The following IFT88 variants were observed in gnomAD, a reference collection of about 807,000 sequenced individuals.
The protein encoded by IFT88 is intraflagellar transport 88, also known as intraflagellar transport protein 88 homolog.
In IFT88, 74 loss-of-function variants were observed where a neutral mutation model predicts 119.5. That is an observed-to-expected ratio of 0.62 (90% CI 0.51 to 0.75). IFT88 has a LOEUF of 0.75. IFT88 is among the 30% of genes least tolerant of loss of function. The probability of loss-of-function intolerance (pLI) is 0.00; values close to 1 mark genes in which losing one functional copy is unlikely to be tolerated. For synonymous variants in IFT88, 279 were observed against 316.7 expected (o/e 0.88, Z 1.26); for missense variants, 961 against 977.7 (o/e 0.98, Z 0.23).
At chr13:20,643,329 A>G (rs1401012022) in intron 18 of IFT88, 126 bp from the exon 19 acceptor site, 1 of 687,208 alleles carries the variant, frequency 1.5e-6, no homozygotes, top group East Asian at 2.8e-5. Context: ...TGAGATATCC[A>G]GAGGAAACAG....
intron 2 of IFT88, among the ~76,000 whole-genome samples, chr13:20,577,026 CT>C (rs2037520759): frequency 6.6e-6 from 1 of 151,984 alleles, no homozygotes; most frequent in Non-Finnish European, 1.5e-5. Context: ...TTCTTATGTC[CT>C]CTTCAGTTTC....
intron 1 of IFT88, among the ~76,000 whole-genome samples, chr13:20,568,610 C>A (rs2035477548): frequency 6.6e-6 from 1 of 152,216 alleles, no homozygotes; most frequent in African/African-American, 2.4e-5. Flanking sequence ...GGTCCCCAGA[C>A]CAGTAGCCTC....
intron 3 of IFT88, among the ~76,000 whole-genome samples, chr13:20,587,046 C>CT (rs2138515324): frequency 6.6e-6 from 1 of 152,146 alleles, no homozygotes; most frequent in South Asian, 2.1e-4. Context: ...CTAGTTATCT[C>CT]TGTGTTACTG....
In IFT88 at chr13:20,674,496, C is replaced by G. The variant is rs148724524; in HGVS notation, c.2242+3457C>G. Among the ~76,000 whole-genome samples the G allele has an allele frequency of 9.9e-3, 1,491 of 151,288 alleles. 25 individuals are homozygous for G. The highest frequency in any genetic ancestry group is 0.034 in the African/African-American group (1,399 of 41,248). ...ATTTTTAAAGTGCTTTTTGGTTTAC[C>G]CTGTGTGATTTTTAATGGCTTTCTG... On this transcript the variant is annotated intron_variant, in intron 24 of 25. Transcript: ENST00000351808.
intron 13 of IFT88, chr13:20,612,110 T>G (rs1404014263): frequency 6.6e-6 from 1 of 150,800 alleles, no homozygotes; most frequent in Non-Finnish European, 1.5e-5. Context: ...GGTTGTAGAG[T>G]AAAAAAAAAT....
intron 13 of IFT88, chr13:20,612,293 T>C (rs984683519): frequency 1.3e-5 from 2 of 152,202 alleles, no homozygotes. Flanking sequence ...ATCTGCTGTA[T>C]GCATTGACCT....
At chr13:20,633,379 C>T (rs2048499094) in intron 16 of IFT88, among the ~76,000 whole-genome samples, 1 of 152,044 alleles carries the variant, frequency 6.6e-6, no homozygotes, top group Non-Finnish European at 1.5e-5. Context: ...TTGGATGTGG[C>T]CTGCCTCCCA....
At chr13:20,596,529 A>G (rs2041674971) in intron 8 of IFT88, among the ~76,000 whole-genome samples, 1 of 152,204 alleles carries the variant, frequency 6.6e-6, no homozygotes, top group Non-Finnish European at 1.5e-5. Flanking sequence ...ATTAGATAGC[A>G]ATATGCTGCT....
rs1394200211 is a variant in IFT88 at position 20,631,048 on chromosome 13, G to A, written c.1332G>A (p.Lys444=). The change falls in exon 16 of 26, where the codon AAG becomes AAA. Residue 444 remains lysine, a synonymous_variant. Transcript: ENST00000351808. ...AGATCTTAAAAGTGTTGGAAAAAAA[G>A]GACAGTAGAGTGAAAAGTGCAGCTG... ...AVEILKVLEK[K]DSRVKSAAAT... 1.2e-6 allele frequency: 2 copies of A among 1,605,742 alleles called. No individual in the cohort carries two copies. The highest frequency in any genetic ancestry group is 1.7e-6 in the Non-Finnish European group (2 of 1,172,420).
At position 20,577,983 on chromosome 13, in the gene IFT88, G is replaced by C. The variant is rs118082620; in HGVS notation, c.90+3508G>C. Reference sequence around the variant, plus strand: ...TTCAGCAGTGAAGCCATCAGGTGCCGAGCTTTTCTTTGCTGGGAGACTTTT... The same window carrying C: ...TTCAGCAGTGAAGCCATCAGGTGCCCAGCTTTTCTTTGCTGGGAGACTTTT... On this transcript the variant is annotated intron_variant, in intron 2 of 25. Coordinates refer to ENST00000351808, the MANE Select transcript of IFT88 (RefSeq NM_006531.5). 7.0e-3 allele frequency among the ~76,000 whole-genome samples: 1,058 copies of C among 150,696 alleles called. 5 individuals are homozygous for C. Among genetic ancestry groups the C allele is most frequent in the Non-Finnish European group, 0.012 (795 of 67,842 alleles).
intron 18 of IFT88, chr13:20,641,675 G>A: frequency 4.1e-6 from 1 of 241,314 alleles, no homozygotes; most frequent in Non-Finnish European, 8.1e-6. Flanking sequence ...GTACATATAA[G>A]CCATTCATTG....
chr13:20,574,357 T>C (rs549536627), intron 1 of IFT88, 23 bp from the exon 2 acceptor site: 26 of 1,440,326 alleles, frequency 1.8e-5, no homozygotes, highest in Middle Eastern at 1.8e-4. Context: ...CAAGAACATA[T>C]TTACACTGCC....
chr13:20,656,122 T>TAAAAAAAAAAAAAAA (rs60352862), intron 21 of IFT88, among the ~76,000 whole-genome samples: 1 of 104,780 alleles, frequency 9.5e-6, no homozygotes. Context: ...CTCGTCTCTT[T>TAAAAAAAAAAAAAAA]AAAAAAAAAA....
At chr13:20,600,563 G>T (rs781564459) in intron 11 of IFT88, among the ~76,000 whole-genome samples, 11 of 152,066 alleles carry the variant, frequency 7.2e-5, no homozygotes, top group Non-Finnish European at 1.5e-4. Flanking sequence ...TTATATTGAG[G>T]AGTGTTTAGA....
chr13:20,610,104 G>GTTTT (rs55652116), intron 13 of IFT88, among the ~76,000 whole-genome samples: 1 of 146,838 alleles, frequency 6.8e-6, no homozygotes, highest in African/African-American at 2.5e-5. Context: ...CTTGACTGCT[G>GTTTT]TTTTTTTTTT....
intron 8 of IFT88, among the ~76,000 whole-genome samples, chr13:20,596,451 C>T (rs2987990): frequency 0.99 from 150,553 of 152,284 alleles, 74,439 homozygotes; most frequent in East Asian, 1. Flanking sequence ...TTGACATTGG[C>T]CTTTTCAGTA....
chr13:20,578,034 C>CTTT (rs57202566), intron 2 of IFT88, among the ~76,000 whole-genome samples: 1 of 55,838 alleles, frequency 1.8e-5, no homozygotes, highest in Non-Finnish European at 3.2e-5. Flanking sequence ...CTTGTTACTT[C>CTTT]TTTTTTTTTT....
At chr13:20,630,197 T>C (rs2047980838) in intron 15 of IFT88, among the ~76,000 whole-genome samples, 1 of 152,236 alleles carries the variant, frequency 6.6e-6, no homozygotes, top group Non-Finnish European at 1.5e-5. Flanking sequence ...CTTTTCATTA[T>C]GCTCCCGTAA....
chr13:20,681,246 C>A (rs1308459791), intron 24 of IFT88, among the ~76,000 whole-genome samples: 3 of 152,170 alleles, frequency 2.0e-5, no homozygotes, highest in African/African-American at 7.2e-5. Flanking sequence ...GCAGAAGATG[C>A]CGTTTAATAC....
Sources: allele counts gnomAD v4.1 joint callset (sites outside exome capture counted in the v4.1 genomes callset), GRCh38; gene constraint gnomAD v4.1.1; transcripts MANE v1.5; gene names NCBI Gene and HGNC (gene_info 2026-07-23, HGNC 2026-07-21).